Variants in RIPOR3 observed in about 807,000 individuals in gnomAD.
RIPOR3 encodes the protein family with sequence similarity 65 member C.
RIPOR3 carries 95 observed loss-of-function variants against 114.3 expected under a neutral mutation model. That is an observed-to-expected ratio of 0.83 (90% CI 0.70 to 0.99). The LOEUF (loss-of-function observed/expected upper bound fraction) is 0.99. Among genes scored for constraint, RIPOR3 ranks in the 50% least tolerant of loss-of-function variants. The probability of loss-of-function intolerance (pLI) is 0.00; values close to 1 mark genes in which losing one functional copy is unlikely to be tolerated. For missense variants in RIPOR3, 1,252 were observed against 1,266.9 expected (o/e 0.99, Z 0.18); for synonymous variants, 575 against 543.8 (o/e 1.06, Z -0.80).
chr20:50,609,465 G>A, intron 7 of RIPOR3, 108 bp downstream of exon 7: 1 of 1,488,536 alleles, frequency 6.7e-7, no homozygotes, highest in East Asian at 2.5e-5. Flanking sequence ...CGCCTCCTTG[G>A]GGCCCAGAAC....
At chr20:50,679,750 T>C (rs1377481776) in intron 1 of RIPOR3, among the ~76,000 whole-genome samples, 2 of 137,288 alleles carry the variant, frequency 1.5e-5, no homozygotes, top group African/African-American at 2.7e-5. Context: ...GCCTGGGCAA[T>C]AGAGTGAGAC....
intron 17 of RIPOR3, among the ~76,000 whole-genome samples, chr20:50,594,217 A>C (rs1256925713): frequency 1.3e-5 from 2 of 150,186 alleles, no homozygotes; most frequent in Non-Finnish European, 3.0e-5. Context: ...TAGAGGTTGC[A>C]GTGAGCCATG....
chr20:50,642,846 C>T (rs1324288124), intron 1 of RIPOR3, among the ~76,000 whole-genome samples: 17 of 151,966 alleles, frequency 1.1e-4, no homozygotes, highest in African/African-American at 3.6e-4. Flanking sequence ...GTCAGGAGTT[C>T]GAGACCAGCC....
intron 1 of RIPOR3, among the ~76,000 whole-genome samples, chr20:50,674,158 A>T (rs2123558301): frequency 6.6e-6 from 1 of 152,300 alleles, no homozygotes; most frequent in South Asian, 2.1e-4. Flanking sequence ...AGGAAAGAGC[A>T]TATGTCTGAT....
At chr20:50,601,945 G>T in intron 13 of RIPOR3, 127 bp downstream of exon 13, 1 of 911,340 alleles carries the variant, frequency 1.1e-6, no homozygotes, top group Non-Finnish European at 1.6e-6. Flanking sequence ...GAGAGACACG[G>T]CCCACCCAGG....
intron 1 of RIPOR3, among the ~76,000 whole-genome samples, chr20:50,638,423 A>T (rs1715756299): frequency 6.6e-6 from 1 of 152,184 alleles, no homozygotes; most frequent in Non-Finnish European, 1.5e-5. Context: ...AGCTCACTCC[A>T]TTGGGGTTTT....
chr20:50,659,287 C>G (rs1038742681), intron 1 of RIPOR3, among the ~76,000 whole-genome samples: 8 of 152,072 alleles, frequency 5.3e-5, no homozygotes, highest in African/African-American at 1.9e-4. Context: ...ATTTCCTGAA[C>G]CGAAGTCTGA....
At chr20:50,636,948 T>A in intron 1 of RIPOR3, 1 of 982,584 alleles carries the variant, frequency 1.0e-6, no homozygotes. Flanking sequence ...GGCTCCTTTT[T>A]ATCCACTCAA....
intron 1 of RIPOR3, among the ~76,000 whole-genome samples, chr20:50,682,854 A>G (rs982231919): frequency 1.3e-5 from 2 of 151,190 alleles, no homozygotes; most frequent in Admixed American, 6.6e-5. Flanking sequence ...CGGCCTCCCT[A>G]GTAGCTGGGT....
Position 50,593,078 on chromosome 20 carries a change from G to T in RIPOR3, c.2331C>A (p.Ser777Arg), listed in dbSNP as rs185668613. 1 of 1,614,126 alleles carries T rather than the reference G, an allele frequency of 6.2e-7. No homozygotes were observed. The highest frequency in any genetic ancestry group is 8.5e-7 in the Non-Finnish European group (1 of 1,180,046). The part of the protein sequence containing the change: ...FQFHSYLQRQ[S>R]VSDLEKHFTQ... ...TGAAGTGCTTCTCCAGGTCAGAGACGCTCTGCCTCTGCAGGTAGCTGTGAA... is the reference window on the plus strand; with the variant it reads ...TGAAGTGCTTCTCCAGGTCAGAGACTCTCTGCCTCTGCAGGTAGCTGTGAA... The change falls in exon 18 of 22, where the codon AGC becomes AGA. Residue 777 changes from serine to arginine, a missense_variant. Coordinates refer to ENST00000327979, the MANE Select transcript of RIPOR3 (RefSeq NM_001290268.2).
intron 1 of RIPOR3, among the ~76,000 whole-genome samples, chr20:50,669,022 T>G (rs2086362194): frequency 6.6e-6 from 1 of 151,684 alleles, no homozygotes. Flanking sequence ...CACAGGACAG[T>G]CACACACATG....
intron 3 of RIPOR3, among the ~76,000 whole-genome samples, chr20:50,618,938 C>T (rs1466365742): frequency 2.0e-5 from 3 of 152,000 alleles, no homozygotes; most frequent in Non-Finnish European, 4.4e-5. Context: ...TGGCTGGGCG[C>T]GGTAGCTCAC....
At chr20:50,677,845 T>A (rs1259449334) in intron 1 of RIPOR3, among the ~76,000 whole-genome samples, 1 of 151,952 alleles carries the variant, frequency 6.6e-6, no homozygotes, top group Non-Finnish European at 1.5e-5. Context: ...AATTTTTGTA[T>A]TTTTAGTAGA....
At chr20:50,587,986 G>A in intron 20 of RIPOR3, 94 bp from the exon 21 acceptor site, 1 of 1,152,876 alleles carries the variant, frequency 8.7e-7, no homozygotes, top group East Asian at 2.5e-5. Context: ...GTCCTAGCAT[G>A]GTCTCTGGGG....
chr20:50,641,623 AC>A (rs1315965866), intron 1 of RIPOR3, among the ~76,000 whole-genome samples: 1 of 151,958 alleles, frequency 6.6e-6, no homozygotes, highest in African/African-American at 2.4e-5. Context: ...CCTGCCCTTG[AC>A]CCCTTCCAGC....
chr20:50,637,027 A>G, intron 1 of RIPOR3: 1 of 605,434 alleles, frequency 1.7e-6, no homozygotes, highest in Non-Finnish European at 2.1e-6. Flanking sequence ...CATGAAAGGA[A>G]ATGGCAAAAT....
chr20:50,610,006 TGCCTCACCTGCC>T (rs2083902527), intron 6 of RIPOR3, among the ~76,000 whole-genome samples: 7 of 75,856 alleles, frequency 9.2e-5, no homozygotes, highest in Non-Finnish European at 1.6e-4. Context: ...CTGCCACCCC[TGCCTCACCTGCC>T]ACCCCTGCCT....
At chr20:50,592,230 C>T in intron 19 of RIPOR3, 114 bp downstream of exon 19, 1 of 1,103,056 alleles carries the variant, frequency 9.1e-7, no homozygotes, top group Non-Finnish European at 1.2e-6. Flanking sequence ...CAAAATAGCT[C>T]ACAGCTACTG....
chr20:50,677,945 T>G (rs879458101), intron 1 of RIPOR3, among the ~76,000 whole-genome samples: 1 of 146,596 alleles, frequency 6.8e-6, no homozygotes, highest in Non-Finnish European at 1.5e-5. Context: ...GCTGGGATTA[T>G]AGGCATGAGC....
Sources: gnomAD v4.1 joint callset for allele counts (sites outside exome capture counted in the v4.1 genomes callset) on GRCh38, gnomAD v4.1.1 for gene constraint, MANE v1.5 for transcripts, NCBI Gene and HGNC (gene_info 2026-07-23, HGNC 2026-07-21) for gene names.